Variants in MARCHF8 observed in about 807,000 individuals in gnomAD.
MARCHF8 encodes membrane associated ring-CH-type finger 8, also known as E3 ubiquitin-protein ligase MARCHF8.
Under a neutral mutation model 51.6 loss-of-function variants are expected in MARCHF8, and 40 were observed. The observed-to-expected ratio is 0.77, with a 90% CI of 0.60 to 1.01. MARCHF8 has a LOEUF of 1.01. Among genes scored for constraint, MARCHF8 ranks in the 50% least tolerant of loss-of-function variants. The pLI, the probability that MARCHF8 is intolerant of heterozygous loss-of-function variation, is 0.00. For synonymous variants in MARCHF8, 263 were observed against 280.3 expected (o/e 0.94, Z 0.62); for missense variants, 685 against 708.6 (o/e 0.97, Z 0.38).
chr10:45,577,061 A>G (rs753899545), intron 1 of MARCHF8, among the ~76,000 whole-genome samples: 4 of 152,094 alleles, frequency 2.6e-5, no homozygotes, highest in Non-Finnish European at 5.9e-5. Context: ...GAGGGCAGAG[A>G]CTTCATGAAT....
intron 1 of MARCHF8, among the ~76,000 whole-genome samples, chr10:45,569,352 AATG>A (rs1037799016): frequency 1.7e-4 from 26 of 152,248 alleles, no homozygotes; most frequent in African/African-American, 5.8e-4. Context: ...CACTAATTGA[AATG>A]ATTATATGGT....
At chr10:45,521,309 C>T (rs973709427) in intron 2 of MARCHF8, among the ~76,000 whole-genome samples, 4 of 152,168 alleles carry the variant, frequency 2.6e-5, no homozygotes, top group Non-Finnish European at 5.9e-5. Flanking sequence ...AAAAGATTAC[C>T]CAAAACCAGT....
rs1020519031 is a variant in MARCHF8 at position 45,492,906 on chromosome 10, A to C, written c.103-3489T>G. Among the ~76,000 whole-genome samples, 10 of 152,236 alleles carry C rather than the reference A, an allele frequency of 6.6e-5. No homozygotes were observed. The East Asian group carries it at 1.9e-3, about 29-fold the overall frequency. The stretch of plus-strand genomic sequence containing the variant: ...ATATTTGCATTATACTTACAGGTGG[A>C]GCATCCCAAATCTGAGAATTCAAAA... On this transcript the variant is annotated intron_variant, in intron 2 of 7. Coordinates refer to ENST00000453424, the MANE Select transcript of MARCHF8 (RefSeq NM_001282866.2).
In MARCHF8 at chr10:45,455,357, T is replaced by C. The variant is rs1186272482; in HGVS notation, c.*2882A>G. ...AAATTGCTGAGGCCAGAAGCCTGCT[T>C]ATGGTACTGTGACTTATGGGGAGTA... On this transcript the variant is annotated 3_prime_UTR_variant, in exon 8 of 8. Coordinates refer to ENST00000453424, the MANE Select transcript of MARCHF8 (RefSeq NM_001282866.2). 2 of 152,220 alleles carry C rather than the reference T, an allele frequency of 1.3e-5. No homozygotes were observed. Among genetic ancestry groups the C allele is most frequent in the East Asian group, 3.9e-4 (2 of 5,188 alleles). The allele number at this position is 152,220 out of a possible 1,614,324, so 9.4% of individuals were successfully genotyped here.
At chr10:45,523,543 G>C (rs1432812604) in intron 2 of MARCHF8, among the ~76,000 whole-genome samples, 1 of 152,104 alleles carries the variant, frequency 6.6e-6, no homozygotes, top group Admixed American at 6.6e-5. Context: ...TAAAAACAAA[G>C]AGTGAAAAAT....
chr10:45,456,288 A>G lies in MARCHF8; in HGVS notation c.*1951T>C, dbSNP rs1242976692. On this transcript the variant is annotated 3_prime_UTR_variant, in exon 8 of 8. Coordinates refer to ENST00000453424, the MANE Select transcript of MARCHF8 (RefSeq NM_001282866.2). ...ACTTCGGGGCACAGTGAACACAGGC[A>G]CGGGCTGGATGTGCCCTGGGAGACA... 1.3e-5 allele frequency: 2 copies of G among 152,432 alleles called. No individual in the cohort carries two copies. Among genetic ancestry groups the G allele is most frequent in the African/African-American group, 4.8e-5 (2 of 41,454 alleles). The allele number at this position is 152,432 out of a possible 1,614,324, so 9.4% of individuals were successfully genotyped here.
chr10:45,572,457 T>G (rs1448383172), intron 1 of MARCHF8, among the ~76,000 whole-genome samples: 1 of 152,198 alleles, frequency 6.6e-6, no homozygotes, highest in African/African-American at 2.4e-5. Flanking sequence ...TATTTTCTTC[T>G]GCAATATTTT....
chr10:45,512,005 G>A (rs1311127839), intron 2 of MARCHF8, among the ~76,000 whole-genome samples: 1 of 150,232 alleles, frequency 6.7e-6, no homozygotes, highest in African/African-American at 2.5e-5. Flanking sequence ...GAAGTGAGGA[G>A]CGCCTCTTCC....
intron 1 of MARCHF8, among the ~76,000 whole-genome samples, chr10:45,587,773 A>G (rs940465992): frequency 2.0e-5 from 3 of 152,156 alleles, no homozygotes; most frequent in Non-Finnish European, 2.9e-5. Context: ...AGATCCACAC[A>G]TACATCACCA....
At chr10:45,580,335 C>T (rs1223326606) in intron 1 of MARCHF8, among the ~76,000 whole-genome samples, 1 of 151,976 alleles carries the variant, frequency 6.6e-6, no homozygotes, top group East Asian at 1.9e-4. Context: ...AAGCTCAGAA[C>T]AGACATATTA....
At chr10:45,569,589 T>C (rs1456053352) in intron 1 of MARCHF8, among the ~76,000 whole-genome samples, 2 of 152,200 alleles carry the variant, frequency 1.3e-5, no homozygotes, top group Non-Finnish European at 2.9e-5. Context: ...AAAGGACCCT[T>C]GTTTTTCAAA....
chr10:45,496,415 T>C (rs992837928), intron 2 of MARCHF8, among the ~76,000 whole-genome samples: 2 of 152,138 alleles, frequency 1.3e-5, no homozygotes, highest in South Asian at 2.1e-4. Flanking sequence ...ATTATACTAA[T>C]ATCAGACGAA....
intron 2 of MARCHF8, among the ~76,000 whole-genome samples, chr10:45,511,376 G>GCCCTCTCCCTCT (rs111486746): frequency 6.6e-6 from 1 of 151,878 alleles, no homozygotes; most frequent in East Asian, 1.9e-4. Flanking sequence ...ATAACACTGT[G>GCCCTCTCCCTCT]CCCTCTCCCT....
At chr10:45,537,474 A>G (rs1003216465), upstream of MARCHF8, among the ~76,000 whole-genome samples, 1 of 151,962 alleles carries the variant, frequency 6.6e-6, no homozygotes, top group Non-Finnish European at 1.5e-5. Flanking sequence ...GCAACATGGC[A>G]AAACCACATC....
intron 3 of MARCHF8, among the ~76,000 whole-genome samples, chr10:45,486,016 G>C (rs994110664): frequency 2.6e-5 from 4 of 152,168 alleles, no homozygotes; most frequent in Non-Finnish European, 5.9e-5. Context: ...TCCACAGGGG[G>C]CCTGCCCTCC....
rs181818024 is a variant in MARCHF8, at chr10:45,531,782, C to T, written c.102+1328G>A. Among the ~76,000 whole-genome samples, 9 of 152,278 alleles carry T rather than the reference C, an allele frequency of 5.9e-5. No homozygotes were observed. The East Asian group carries it at 1.7e-3, about 29-fold the overall frequency. On this transcript the variant is annotated intron_variant, in intron 2 of 7. Coordinates refer to ENST00000453424, the MANE Select transcript of MARCHF8 (RefSeq NM_001282866.2). Reference sequence around the variant, plus strand: ...TGAGTCTAGGTAAAATGCAAGGGTTCACTCTTCTTATGGGACTCAGTAGGA... The same window carrying T: ...TGAGTCTAGGTAAAATGCAAGGGTTTACTCTTCTTATGGGACTCAGTAGGA...
At chr10:45,492,478 T>C (rs1243164410) in intron 2 of MARCHF8, among the ~76,000 whole-genome samples, 4 of 152,132 alleles carry the variant, frequency 2.6e-5, no homozygotes, top group African/African-American at 7.2e-5. Context: ...TTTGTATTTT[T>C]AGTAGAGACG....
At chr10:45,548,761 C>T (rs899425358) in intron 1 of MARCHF8, among the ~76,000 whole-genome samples, 16 of 152,022 alleles carry the variant, frequency 1.1e-4, no homozygotes, top group East Asian at 1.9e-4. Flanking sequence ...TTCGGGAGGC[C>T]GAGGCGGTGG....
rs139587419 is a variant in MARCHF8 at position 45,546,683 on chromosome 10, C to A, written c.-78-13394G>T. On this transcript the variant is annotated intron_variant, in intron 1 of 6. Coordinates refer to the MARCHF8 transcript ENST00000319836. ...CCTGTGGTATCAGCTACTTGGTCGACAGATGGGAGGATCACTTGAGCCCAG... is the reference window on the plus strand; with the variant it reads ...CCTGTGGTATCAGCTACTTGGTCGAAAGATGGGAGGATCACTTGAGCCCAG... Among the ~76,000 whole-genome samples, 25 of 150,958 alleles carry A rather than the reference C, an allele frequency of 1.7e-4. No homozygotes were observed. In the East Asian group the frequency reaches 4.7e-3, roughly 28 times the overall value.
Sources: gnomAD v4.1 joint callset for allele counts (sites outside exome capture counted in the v4.1 genomes callset) on GRCh38, gnomAD v4.1.1 for gene constraint, MANE v1.5 for transcripts, NCBI Gene and HGNC (gene_info 2026-07-23, HGNC 2026-07-21) for gene names.